CHN2: variants seen among roughly 807,000 people sequenced by gnomAD.
The protein encoded by CHN2 is beta-chimaerin.
In CHN2, 35 loss-of-function variants were observed where a neutral mutation model predicts 56.3. That is an observed-to-expected ratio of 0.62 (90% CI 0.47 to 0.82). The LOEUF is 0.82. Among genes scored for constraint, CHN2 ranks in the 40% least tolerant of loss-of-function variants. The pLI, the probability that CHN2 is intolerant of heterozygous loss-of-function variation, is 0.00. For synonymous variants in CHN2, 210 were observed against 212.8 expected (o/e 0.99, Z 0.12); for missense variants, 491 against 580.5 (o/e 0.85, Z 1.58).
At chr7:29,259,459 G>T (rs192616137) in intron 1 of CHN2, among the ~76,000 whole-genome samples, 3 of 152,206 alleles carry the variant, frequency 2.0e-5, no homozygotes, top group Non-Finnish European at 4.4e-5. Context: ...ATTGGATATT[G>T]GGTGCTCCGT....
intron 1 of CHN2, among the ~76,000 whole-genome samples, chr7:29,245,902 C>T (rs1373036431): frequency 6.6e-6 from 1 of 152,194 alleles, no homozygotes; most frequent in Non-Finnish European, 1.5e-5. Flanking sequence ...ATCTCCTTGT[C>T]GAAGCCTTTG....
Position 29,212,305 on chromosome 7 carries a change from G to C in CHN2, c.49+17315G>C, listed in dbSNP as rs532643161. The C allele has an allele frequency of 2.5e-6, 3 of 1,222,438 alleles. No homozygotes were observed. The South Asian group carries it at 3.6e-5, about 15-fold the overall frequency. The allele number at this position is 1,222,438 out of a possible 1,614,324, so 75.7% of individuals were successfully genotyped here. A position where few individuals can be genotyped will look rare whatever the true frequency, so the allele number is the denominator to read the frequency against. On this transcript the variant is annotated intron_variant, in intron 1 of 12. Transcript: ENST00000222792. ...CCCCTCTTCCTCAATACTAACATGA[G>C]TGTGGATCTGGCTTGTCTGCAAAGC... is the stretch of plus-strand genomic sequence containing the variant.
intron 1 of CHN2, among the ~76,000 whole-genome samples, chr7:29,350,318 G>C (rs1046136233): frequency 9.9e-5 from 15 of 151,956 alleles, no homozygotes; most frequent in Admixed American, 7.2e-4. Flanking sequence ...GCCTATCCAA[G>C]ACGCAAGTTG....
At chr7:29,483,956 A>G (rs1445545962) in intron 7 of CHN2, 1 of 1,105,650 alleles carries the variant, frequency 9.0e-7, no homozygotes, top group Admixed American at 2.3e-5. Flanking sequence ...CGAGTCACTT[A>G]TCGTGGTCTC....
intron 1 of CHN2, among the ~76,000 whole-genome samples, chr7:29,302,078 A>G (rs10807848): frequency 0.71 from 107,666 of 151,842 alleles, 38,450 homozygotes; most frequent in African/African-American, 0.78. Context: ...AATTCCAAGG[A>G]TAAGGACCCT....
rs199570625 is a variant in CHN2 at position 29,228,121 on chromosome 7, T to TA, written c.49+33140dup. On this transcript the variant is annotated intron_variant, in intron 1 of 12. Transcript: ENST00000222792. Reference sequence around the variant, plus strand: ...CTTCTAATTAACATAGAAGCTACCTTAAAAAAAAACCTGTACACACACTAA... The same window carrying TA: ...CTTCTAATTAACATAGAAGCTACCTTAAAAAAAAAACCTGTACACACACTAA... 5.5e-3 allele frequency among the ~76,000 whole-genome samples: 812 copies of TA among 148,792 alleles called. 1 individual carries two copies. Among genetic ancestry groups the TA allele is most frequent in the South Asian group, 0.014 (66 of 4,684 alleles).
At chr7:29,450,896 G>A (rs1014922094) in intron 6 of CHN2, among the ~76,000 whole-genome samples, 10 of 151,662 alleles carry the variant, frequency 6.6e-5, no homozygotes, top group South Asian at 2.1e-4. Context: ...TCAGCCTCCC[G>A]AGTAGCTGGG....
intron 6 of CHN2, among the ~76,000 whole-genome samples, chr7:29,418,991 G>A (rs573124492): frequency 6.6e-6 from 1 of 152,228 alleles, no homozygotes; most frequent in African/African-American, 2.4e-5. Flanking sequence ...GGATTTTGAA[G>A]GGCCAGTCAG....
At chr7:29,203,719 T>G (rs1332750859) in intron 1 of CHN2, among the ~76,000 whole-genome samples, 1 of 152,186 alleles carries the variant, frequency 6.6e-6, no homozygotes, top group Non-Finnish European at 1.5e-5. Flanking sequence ...CCTGTAGCCC[T>G]GTCTACTTAT....
chr7:29,346,675 C>T (rs1046499036), intron 1 of CHN2, among the ~76,000 whole-genome samples: 2 of 152,164 alleles, frequency 1.3e-5, no homozygotes, highest in African/African-American at 2.4e-5. Context: ...TTCTCTACAT[C>T]GGTGAAACTT....
chr7:29,327,758 C>T lies in CHN2; in HGVS notation c.50-26867C>T, dbSNP rs150871466. The stretch of plus-strand genomic sequence containing the variant: ...ATGCTATAGGATAATAACCAGTTTA[C>T]GGCCTTAAATGCTGCCTACAACTTG... On this transcript the variant is annotated intron_variant, in intron 1 of 12. Coordinates refer to ENST00000222792, the MANE Select transcript of CHN2 (RefSeq NM_004067.4). 3.3e-3 allele frequency among the ~76,000 whole-genome samples: 505 copies of T among 152,262 alleles called. 1 individual carries two copies. The highest frequency in any genetic ancestry group is 5.0e-3 in the Non-Finnish European group (341 of 68,008).
intron 1 of CHN2, among the ~76,000 whole-genome samples, chr7:29,331,015 G>T (rs1223180870): frequency 2.6e-5 from 4 of 152,206 alleles, no homozygotes; most frequent in Admixed American, 2.6e-4. Context: ...GTGGAACAGA[G>T]ACAGAGTTAT....
chr7:29,498,628 G>A (rs1175256951), intron 8 of CHN2, among the ~76,000 whole-genome samples: 2 of 152,198 alleles, frequency 1.3e-5, no homozygotes, highest in South Asian at 2.1e-4. Flanking sequence ...ATGTGTGCAC[G>A]TGTGTGTTAT....
chr7:29,388,828 T>G (rs1462568674), intron 3 of CHN2, among the ~76,000 whole-genome samples: 1 of 152,178 alleles, frequency 6.6e-6, no homozygotes, highest in East Asian at 1.9e-4. Flanking sequence ...CATGGCCTCA[T>G]ATATATAGGA....
chr7:29,317,472 A>T (rs1557869), intron 1 of CHN2, among the ~76,000 whole-genome samples: 8,579 of 152,204 alleles, frequency 0.056, 328 homozygotes, highest in East Asian at 0.2. Flanking sequence ...TGGGGACTTA[A>T]TAGAGATGCA....
chr7:29,382,358 G>C (rs575036604), intron 3 of CHN2, among the ~76,000 whole-genome samples: 1 of 152,276 alleles, frequency 6.6e-6, no homozygotes, highest in South Asian at 2.1e-4. Flanking sequence ...GTTGTTGCCT[G>C]TGGTCTTCAG....
At chr7:29,203,669 A>T (rs1025733321) in intron 1 of CHN2, among the ~76,000 whole-genome samples, 1 of 152,172 alleles carries the variant, frequency 6.6e-6, no homozygotes, top group Admixed American at 6.5e-5. Context: ...TGATCGCAGA[A>T]TCTGCCATAC....
At position 29,469,198 on chromosome 7, in the gene CHN2, C is replaced by T. The variant is rs192307735; in HGVS notation, c.577-11081C>T. Among the ~76,000 whole-genome samples the T allele has an allele frequency of 3.9e-5, 6 of 152,346 alleles. No homozygotes were observed. The East Asian group carries it at 1.2e-3, about 29-fold the overall frequency. ...TAATCCTGTAGACTTTACCTTGAAA[C>T]AATATCCAGATTCTGGCCATTCCTT... On this transcript the variant is annotated intron_variant, in intron 6 of 12. Transcript: ENST00000222792.
intron 7 of CHN2, among the ~76,000 whole-genome samples, chr7:29,486,379 C>T (rs1043244939): frequency 3.3e-5 from 5 of 152,186 alleles, no homozygotes; most frequent in African/African-American, 1.2e-4. Context: ...GTTCATTGTA[C>T]TAGAGTCCTT....
Sources: gnomAD v4.1 joint callset for allele counts (sites outside exome capture counted in the v4.1 genomes callset) on GRCh38, gnomAD v4.1.1 for gene constraint, MANE v1.5 for transcripts, NCBI Gene and HGNC (gene_info 2026-07-23, HGNC 2026-07-21) for gene names.